Variants in KCNIP4 observed in about 807,000 individuals in gnomAD.
KCNIP4 encodes the protein potassium voltage-gated channel interacting protein 4.
Under a neutral mutation model 34.0 loss-of-function variants are expected in KCNIP4, and 12 were observed. The ratio of observed to expected loss-of-function variants is 0.35; its 90% CI spans 0.23 to 0.57. The LOEUF is 0.57. Among genes scored for constraint, KCNIP4 ranks in the 20% least tolerant of loss-of-function variants. The pLI, the probability that KCNIP4 is intolerant of heterozygous loss-of-function variation, is 0.83. For synonymous variants in KCNIP4, 124 were observed against 102.2 expected (o/e 1.21, Z -1.29); for missense variants, 238 against 311.7 (o/e 0.76, Z 1.78).
At chr4:21,171,200 A>G (rs1162329976) in intron 1 of KCNIP4, among the ~76,000 whole-genome samples, 3 of 152,216 alleles carry the variant, frequency 2.0e-5, no homozygotes, top group Non-Finnish European at 4.4e-5. Context: ...TCTATGACAA[A>G]GTGAGCTATA....
chr4:21,169,173 G>C (rs537884816), intron 1 of KCNIP4, among the ~76,000 whole-genome samples: 1 of 152,140 alleles, frequency 6.6e-6, no homozygotes, highest in Non-Finnish European at 1.5e-5. Flanking sequence ...TGTTGTTGTT[G>C]TTGCTGAGAC....
intron 1 of KCNIP4, among the ~76,000 whole-genome samples, chr4:21,869,587 T>G (rs1725637509): frequency 6.6e-6 from 1 of 152,048 alleles, no homozygotes; most frequent in Non-Finnish European, 1.5e-5. Context: ...CAACCTAAAT[T>G]CCCTGTTCCT....
intron 3 of KCNIP4, among the ~76,000 whole-genome samples, chr4:20,806,752 C>G (rs1271530342): frequency 2.0e-5 from 3 of 152,036 alleles, no homozygotes; most frequent in Non-Finnish European, 4.4e-5. Context: ...TATTAAATAT[C>G]TGTAAAAAGT....
chr4:21,043,330 C>CTGTT (rs769783761), intron 1 of KCNIP4, among the ~76,000 whole-genome samples: 7 of 151,894 alleles, frequency 4.6e-5, no homozygotes, highest in East Asian at 3.9e-4. Context: ...TTTGTTTTTT[C>CTGTT]TGTTTGTTTG....
At chr4:21,525,413 T>TA (rs1268021375) in intron 1 of KCNIP4, among the ~76,000 whole-genome samples, 5 of 152,162 alleles carry the variant, frequency 3.3e-5, no homozygotes, top group African/African-American at 1.2e-4. Context: ...TCTCATTACT[T>TA]ATGAACTCAA....
chr4:20,813,774 A>G (rs1225079315), intron 3 of KCNIP4, among the ~76,000 whole-genome samples: 1 of 152,230 alleles, frequency 6.6e-6, no homozygotes, highest in African/African-American at 2.4e-5. Flanking sequence ...TCAAAGTTGA[A>G]CTTAGGAAAC....
chr4:21,749,757 A>T (rs562980935), intron 1 of KCNIP4, among the ~76,000 whole-genome samples: 1 of 152,270 alleles, frequency 6.6e-6, no homozygotes, highest in African/African-American at 2.4e-5. Context: ...TTGGGTAGAA[A>T]GAACAGCAGG....
At chr4:21,464,866 A>G (rs913080525) in intron 1 of KCNIP4, 2 of 152,014 alleles carry the variant, frequency 1.3e-5, no homozygotes, top group Non-Finnish European at 2.9e-5. Context: ...CAATGCATCC[A>G]TCTCACTTAC....
chr4:21,257,473 C>A (rs1195172656), intron 1 of KCNIP4, among the ~76,000 whole-genome samples: 1 of 152,004 alleles, frequency 6.6e-6, no homozygotes, highest in Non-Finnish European at 1.5e-5. Flanking sequence ...GGCTGCGGGG[C>A]GTGGTGGCTC....
chr4:21,589,495 A>T (rs1481153745), intron 1 of KCNIP4, among the ~76,000 whole-genome samples: 4 of 151,426 alleles, frequency 2.6e-5, no homozygotes, highest in Admixed American at 1.3e-4. Flanking sequence ...CTAACTGGGG[A>T]AGCAAGAAAT....
rs1553924589 is a variant in KCNIP4, at chr4:21,719,977, A to AAAAG, written c.61+228593_61+228594insCTTT. Among the ~76,000 whole-genome samples, 102 of 133,512 alleles carry AAAAG rather than the reference A, an allele frequency of 7.6e-4. 6 individuals carry two copies. Among genetic ancestry groups the AAAAG allele is most frequent in the Admixed American group, 9.7e-4 (12 of 12,380 alleles). 87.6% of individuals were successfully genotyped at this position (133,512 alleles called of 152,430 possible). A position where few individuals can be genotyped will look rare whatever the true frequency, so the allele number is the denominator to read the frequency against. ...AAGCTCCATCTCAAAAAAAAAAAAA[A>AAAAG]AAGAAGAAGAGGAAGAAGAAAAGAA... On this transcript the variant is annotated intron_variant, in intron 1 of 8. Coordinates refer to ENST00000382152, the MANE Select transcript of KCNIP4 (RefSeq NM_025221.6).
intron 5 of KCNIP4, among the ~76,000 whole-genome samples, chr4:20,740,539 C>A (rs191546374): frequency 2.0e-5 from 3 of 152,276 alleles, no homozygotes; most frequent in African/African-American, 4.8e-5. Context: ...GATTTTGTCA[C>A]CGCCAGGCCT....
chr4:20,909,360 C>T (rs923483168), intron 1 of KCNIP4, among the ~76,000 whole-genome samples: 6 of 152,172 alleles, frequency 3.9e-5, no homozygotes, highest in African/African-American at 1.4e-4. Context: ...GTGCACCACG[C>T]TTCCCATCAT....
intron 1 of KCNIP4, among the ~76,000 whole-genome samples, chr4:21,294,724 C>T (rs540011800): frequency 1.3e-5 from 2 of 152,278 alleles, no homozygotes; most frequent in South Asian, 4.1e-4. Context: ...AATTAACCTT[C>T]CTGGGCCTCA....
chr4:21,936,111 G>A (rs936843418), intron 1 of KCNIP4, among the ~76,000 whole-genome samples: 2 of 151,910 alleles, frequency 1.3e-5, no homozygotes, highest in Non-Finnish European at 2.9e-5. Flanking sequence ...AGTAAAGCAG[G>A]GTAAAGAGAT....
chr4:21,342,777 G>A (rs532538321), intron 1 of KCNIP4, among the ~76,000 whole-genome samples: 26 of 152,032 alleles, frequency 1.7e-4, no homozygotes, highest in East Asian at 1.9e-4. Context: ...TGCCACTTAC[G>A]TATATGCACT....
chr4:21,714,876 T>C (rs1309389738), intron 1 of KCNIP4, among the ~76,000 whole-genome samples: 119 of 450 alleles, frequency 0.26, 2 homozygotes, highest in African/African-American at 0.35. Flanking sequence ...TTTATTTTAT[T>C]TTATTTTATT....
At chr4:21,247,731 G>T (rs1760341451) in intron 1 of KCNIP4, among the ~76,000 whole-genome samples, 3 of 51,088 alleles carry the variant, frequency 5.9e-5, no homozygotes, top group East Asian at 3.8e-4. Context: ...GCAATCCACA[G>T]GTGGATATAT....
At chr4:21,124,446 T>A (rs1750438520) in intron 1 of KCNIP4, among the ~76,000 whole-genome samples, 1 of 152,222 alleles carries the variant, frequency 6.6e-6, no homozygotes, top group Admixed American at 6.5e-5. Flanking sequence ...CAACCTCTGC[T>A]TCTTCCATCT....
Sources: gnomAD v4.1 joint callset for allele counts (sites outside exome capture counted in the v4.1 genomes callset) on GRCh38, gnomAD v4.1.1 for gene constraint, MANE v1.5 for transcripts, NCBI Gene and HGNC (gene_info 2026-07-23, HGNC 2026-07-21) for gene names.